Variants in FOXO1 observed in about 807,000 individuals in gnomAD.
The protein encoded by FOXO1 is forkhead box O1.
Under a neutral mutation model 44.1 loss-of-function variants are expected in FOXO1, and 6 were observed. The observed-to-expected ratio is 0.14, with a 90% CI of 0.07 to 0.27. The LOEUF is 0.27. Ranked by LOEUF, FOXO1 falls within the 10% of genes least tolerant of loss-of-function variation. FOXO1 has a pLI of 1.00. For synonymous variants in FOXO1, 380 were observed against 362.7 expected, an observed-to-expected ratio of 1.05 and a Z score of -0.54; for missense variants, 737 against 888.8, an observed-to-expected ratio of 0.83 and a Z score of 2.17.
In FOXO1 at chr13:40,665,791, G is replaced by A; in HGVS notation, c.422C>T (p.Ala141Val). The A allele has an allele frequency of 8.0e-7, 1 of 1,252,558 alleles. No homozygotes were observed. The highest frequency in any genetic ancestry group is 1.0e-6 in the Non-Finnish European group (1 of 991,848). The allele number at this position is 1,252,558 out of a possible 1,614,324, so 77.6% of individuals were successfully genotyped here. Reference protein sequence around the residue: ...LSQHPPVPPAAAGPLAGQPRK... With the variant: ...LSQHPPVPPAVAGPLAGQPRK... The stretch of plus-strand genomic sequence containing the variant: ...CGGCTGCCCCGCGAGCGGCCCAGCG[G>A]CGGCGGGGGGCACCGGCGGGTGCTG... Residue 141 changes from alanine to valine, a missense_variant, in exon 1 of 3, where the codon GCC (alanine) becomes GTC (valine). Ala to Val is a moderately conservative substitution (Grantham distance 64). Around this residue, in one of 7 missense-constraint regions of FOXO1, gnomAD observed 213 missense variants for 236.4 expected, o/e 0.90. Transcript: ENST00000379561.
intron 1 of FOXO1, among the ~76,000 whole-genome samples, chr13:40,576,823 G>T (rs77177643): frequency 6.4e-4 from 97 of 152,292 alleles, no homozygotes; most frequent in African/African-American, 2.0e-3. Flanking sequence ...CCTCCATGAA[G>T]CTGACTGCTT....
chr13:40,594,955 G>A (rs1311191087), intron 1 of FOXO1, among the ~76,000 whole-genome samples: 1 of 152,136 alleles, frequency 6.6e-6, no homozygotes, highest in Non-Finnish European at 1.5e-5. Context: ...CCAAAGTGCT[G>A]AGATTATAGG....
Position 40,665,877 on chromosome 13 carries a change from G to T in FOXO1, c.336C>A (p.Gly112=). Residue 112 remains glycine (G), a synonymous_variant, in exon 1 of 3, where the codon GGC becomes GGA. Coordinates refer to ENST00000379561, the MANE Select transcript of FOXO1 (RefSeq NM_002015.4). ...CTGGGTGCAGGCAGCCCGCCTCCGG[G>T]CCCTGGAAGTCCCCGCACAGCCCCC... is the stretch of plus-strand genomic sequence containing the variant. ...ATGGLCGDFQ[G]PEAGCLHPAP... The T allele has an allele frequency of 8.8e-7, 1 of 1,140,254 alleles. No homozygotes were observed. Among genetic ancestry groups the T allele is most frequent in the Non-Finnish European group, 1.1e-6 (1 of 931,710 alleles). The allele number at this position is 1,140,254 out of a possible 1,614,324, so 70.6% of individuals were successfully genotyped here.
At chr13:40,636,607 C>A (rs1206892334) in intron 1 of FOXO1, among the ~76,000 whole-genome samples, 5 of 150,944 alleles carry the variant, frequency 3.3e-5, no homozygotes, top group Non-Finnish European at 5.9e-5. Flanking sequence ...CTGCAACCTC[C>A]ACCTCCTGGG....
At chr13:40,586,713 T>G (rs1348438352) in intron 1 of FOXO1, among the ~76,000 whole-genome samples, 2 of 152,174 alleles carry the variant, frequency 1.3e-5, no homozygotes, top group Non-Finnish European at 2.9e-5. Context: ...CTCTACAGGG[T>G]GCAATCTTAA....
intron 1 of FOXO1, among the ~76,000 whole-genome samples, chr13:40,565,777 C>G (rs1874246095): frequency 6.6e-6 from 1 of 152,194 alleles, no homozygotes; most frequent in Non-Finnish European, 1.5e-5. Context: ...TTACTGTTAT[C>G]ACTACTGGCA....
At chr13:40,611,755 C>T (rs549078898) in intron 1 of FOXO1, among the ~76,000 whole-genome samples, 1 of 152,316 alleles carries the variant, frequency 6.6e-6, no homozygotes, top group East Asian at 1.9e-4. Flanking sequence ...AGCTACAGTA[C>T]TGTCAACAGT....
intron 1 of FOXO1, among the ~76,000 whole-genome samples, chr13:40,663,193 T>G (rs1445258509): frequency 2.0e-5 from 3 of 152,226 alleles, no homozygotes; most frequent in African/African-American, 7.2e-5. Context: ...ACAGGTCTCC[T>G]AGCTCTGGCA....
intron 1 of FOXO1, among the ~76,000 whole-genome samples, chr13:40,594,026 T>G (rs1271742470): frequency 6.6e-6 from 1 of 152,194 alleles, no homozygotes; most frequent in African/African-American, 2.4e-5. Flanking sequence ...TTGAAAGGAT[T>G]TGGTGAATGC....
intron 1 of FOXO1, among the ~76,000 whole-genome samples, chr13:40,644,240 A>G (rs1469498999): frequency 6.6e-6 from 1 of 152,190 alleles, no homozygotes; most frequent in Non-Finnish European, 1.5e-5. Flanking sequence ...CCAAAATTAC[A>G]GGTGGGAAAA....
intron 1 of FOXO1, among the ~76,000 whole-genome samples, chr13:40,610,031 C>T (rs1468002417): frequency 6.6e-6 from 1 of 152,136 alleles, no homozygotes; most frequent in East Asian, 1.9e-4. Context: ...ACATCTATTA[C>T]CCTACGACAA....
chr13:40,600,900 A>G (rs1185733525), intron 1 of FOXO1, among the ~76,000 whole-genome samples: 1 of 152,216 alleles, frequency 6.6e-6, no homozygotes, highest in Non-Finnish European at 1.5e-5. Flanking sequence ...AGATGATTAC[A>G]ACCAATCAAC....
chr13:40,622,499 C>T (rs1184027824), intron 1 of FOXO1, among the ~76,000 whole-genome samples: 2 of 152,214 alleles, frequency 1.3e-5, no homozygotes, highest in Non-Finnish European at 2.9e-5. Flanking sequence ...ATCTCCACAA[C>T]ATTCTGAGAC....
intron 1 of FOXO1, among the ~76,000 whole-genome samples, chr13:40,603,862 C>A (rs1875899832): frequency 6.6e-6 from 1 of 152,200 alleles, no homozygotes; most frequent in Non-Finnish European, 1.5e-5. Context: ...ACAAACACAT[C>A]TGAAAAAGCA....
At chr13:40,644,662 T>G (rs559620807) in intron 1 of FOXO1, among the ~76,000 whole-genome samples, 1 of 152,302 alleles carries the variant, frequency 6.6e-6, no homozygotes, top group Non-Finnish European at 1.5e-5. Context: ...CCGGTTTGAT[T>G]GGGTCAAACC....
In FOXO1 at chr13:40,555,954, C is replaced by A. The variant is rs530412976; in HGVS notation, c.*3095G>T. The A allele has an allele frequency of 6.5e-6, 1 of 152,678 alleles. No homozygotes were observed. Among genetic ancestry groups the A allele is most frequent in the Non-Finnish European group, 1.5e-5 (1 of 68,036 alleles). 9.5% of individuals were successfully genotyped at this position (152,678 alleles called of 1,614,324 possible). The stretch of plus-strand genomic sequence containing the variant: ...CGTCCTGATGGGACTTACATGGCCA[C>A]CCCTGGCCACACTGCCAGGCTGTGC... On this transcript the variant is annotated 3_prime_UTR_variant, in exon 3 of 3. Coordinates refer to ENST00000379561, the MANE Select transcript of FOXO1 (RefSeq NM_002015.4).
chr13:40,579,896 A>G (rs1037886950), intron 1 of FOXO1, among the ~76,000 whole-genome samples: 1 of 152,234 alleles, frequency 6.6e-6, no homozygotes, highest in Non-Finnish European at 1.5e-5. Flanking sequence ...AACATCAATC[A>G]TGACACCCCT....
At chr13:40,604,842 A>G (rs1302802497) in intron 1 of FOXO1, among the ~76,000 whole-genome samples, 2 of 152,142 alleles carry the variant, frequency 1.3e-5, no homozygotes, top group Non-Finnish European at 2.9e-5. Flanking sequence ...TAAAACAGCT[A>G]TATGTTAACA....
At chr13:40,625,751 T>C (rs1876767232) in intron 1 of FOXO1, among the ~76,000 whole-genome samples, 1 of 152,162 alleles carries the variant, frequency 6.6e-6, no homozygotes, top group African/African-American at 2.4e-5. Flanking sequence ...TCTAAAATAT[T>C]TTAGGTATAA....
Sources: gnomAD v4.1 joint callset for allele counts (sites outside exome capture counted in the v4.1 genomes callset) on GRCh38, gnomAD v4.1.1 for gene constraint, gnomAD v4.1.1 regional missense constraint, MANE v1.5 for transcripts, NCBI Gene and HGNC (gene_info 2026-07-23, HGNC 2026-07-21) for gene names.